The following SLC6A9 variants were observed in gnomAD, a reference collection of about 807,000 sequenced individuals.
SLC6A9 encodes sodium- and chloride-dependent glycine transporter 1.
Under a neutral mutation model 70.9 loss-of-function variants are expected in SLC6A9, and 31 were observed. The observed-to-expected ratio is 0.44, with a 90% confidence interval of 0.33 to 0.59. The LOEUF (loss-of-function observed/expected upper bound fraction) is 0.59, where lower values mean the gene tolerates loss of function less well. SLC6A9 is among the 20% of genes least tolerant of loss of function. The pLI, the probability that SLC6A9 is intolerant of heterozygous loss-of-function variation, is 0.04. For missense variants in SLC6A9, 631 were observed against 845.2 expected (o/e 0.75, Z 3.14); for synonymous variants, 310 against 341.3 (o/e 0.91, Z 1.01).
chr1:44,006,586 CAAAAAA>C (rs34759206), intron 5 of SLC6A9, among the ~76,000 whole-genome samples: 6 of 67,610 alleles, frequency 8.9e-5, no homozygotes, highest in South Asian at 8.3e-4. Context: ...GATTCTGTCT[CAAAAAA>C]AAAAAAAAAA....
intron 5 of SLC6A9, among the ~76,000 whole-genome samples, chr1:44,008,018 C>A (rs914201963): frequency 6.6e-6 from 1 of 152,154 alleles, no homozygotes; most frequent in Non-Finnish European, 1.5e-5. Context: ...TGCCACCACG[C>A]CCGGCTAATT....
At chr1:44,020,992 C>A (rs1024832190) in intron 2 of SLC6A9, among the ~76,000 whole-genome samples, 2 of 152,250 alleles carry the variant, frequency 1.3e-5, no homozygotes, top group African/African-American at 4.8e-5. Flanking sequence ...AAGGCCTGAA[C>A]TGCCCAAGAC....
At chr1:44,003,011 A>G in intron 5 of SLC6A9, 26 bp from the exon 6 acceptor site, 2 of 1,613,006 alleles carry the variant, frequency 1.2e-6, no homozygotes, top group Non-Finnish European at 1.7e-6. Context: ...TCTGTCACTG[A>G]GGGCCAGCCG....
intron 5 of SLC6A9, among the ~76,000 whole-genome samples, chr1:44,005,586 C>T (rs889228228): frequency 6.6e-6 from 1 of 152,158 alleles, no homozygotes; most frequent in Non-Finnish European, 1.5e-5. Context: ...TAATTCACCC[C>T]GGCACACCCA....
intron 1 of SLC6A9, among the ~76,000 whole-genome samples, chr1:44,026,782 G>T (rs2086990633): frequency 6.6e-6 from 1 of 152,184 alleles, no homozygotes; most frequent in South Asian, 2.1e-4. Flanking sequence ...CCTCACCCAG[G>T]TTATCCTGGA....
rs2085934171 is a variant in SLC6A9 at position 43,997,923 on chromosome 1, A to G, written c.1639T>C (p.Ser547Pro). ...GCGTAGAGGGGGATGCAGAGGACGGAGGACAGAGCCATGAGGAAGCCAATG... is the reference window on the plus strand; with the variant it reads ...GCGTAGAGGGGGATGCAGAGGACGGGGGACAGAGCCATGAGGAAGCCAATG... Reference protein sequence around the residue: ...VAIGFLMALSSVLCIPLYAMF... With the variant: ...VAIGFLMALSPVLCIPLYAMF... The change falls in exon 13 of 14, where the codon TCC (serine) becomes CCC (proline). Residue 547 changes from serine (S) to proline (P), a missense_variant. Coordinates refer to ENST00000372310, the MANE Select transcript of SLC6A9 (RefSeq NM_001024845.3). This position sits in a 1 kb window ranked among gnomAD's most constrained non-coding sequence, Gnocchi z 4.4. The G allele has an allele frequency of 6.2e-7, 1 of 1,614,034 alleles. No individual in the cohort carries two copies. Among genetic ancestry groups the G allele is most frequent in the Admixed American group, 1.7e-5 (1 of 59,992 alleles).
intron 1 of SLC6A9, chr1:44,030,368 GC>G (rs1230931773): frequency 2.6e-5 from 4 of 151,572 alleles, no homozygotes; most frequent in South Asian, 2.0e-4. Context: ...CCACGGCCCC[GC>G]CCCCGGGCCG....
chr1:43,997,996 G>A lies in SLC6A9; in HGVS notation c.1566C>T (p.Tyr522=). ...FFILVFTVIQ[Y]QPITYNHYQY... is the part of the protein sequence containing the mutation. ...GGTAGTGGTTGTAGGTGATCGGCTG[G>A]TACTGGATCACAGTGAAAACTAGAA... The change falls in exon 13 of 14, where the codon TAC becomes TAT. Residue 522 remains tyrosine (Y), a synonymous_variant. Coordinates refer to ENST00000372310, the MANE Select transcript of SLC6A9 (RefSeq NM_001024845.3). This position sits in a 1 kb window ranked among gnomAD's most constrained non-coding sequence, Gnocchi z 4.4. 6.2e-7 allele frequency: 1 copy of A among 1,613,904 alleles called. No individual in the cohort carries two copies. The highest frequency in any genetic ancestry group is 8.5e-7 in the Non-Finnish European group (1 of 1,179,832).
In SLC6A9 at chr1:44,024,235, C is replaced by A. The variant is rs1026516802; in HGVS notation, c.30+13G>T. On this transcript the variant is annotated intron_variant, in intron 2 of 13. Coordinates refer to ENST00000372310, the MANE Select transcript of SLC6A9 (RefSeq NM_001024845.3). ...ACTCCCGTTCCTTCCCGCAGTCTGG[C>A]CTCTGTACTCACCAGCATCCCTTTG... 6 of 1,613,908 alleles carry A rather than the reference C, an allele frequency of 3.7e-6. No homozygotes were observed. The African/African-American group carries it at 6.7e-5, about 18-fold the overall frequency.
Position 44,001,447 on chromosome 1 carries a change from G to T in SLC6A9, c.1143C>A (p.Ser381=), listed in dbSNP as rs201010276. 1.7e-5 allele frequency: 27 copies of T among 1,614,166 alleles called. No individual in the cohort carries two copies. The East Asian group carries it at 6.0e-4, about 36-fold the overall frequency. The change falls in exon 9 of 14, where the codon TCC becomes TCA. Residue 381 remains serine, a synonymous_variant. Coordinates refer to ENST00000372310, the MANE Select transcript of SLC6A9 (RefSeq NM_001024845.3). ...AGAAGAAGAGCAGAGACCACAGCGG[G>T]GAGATGGGAAGTAGTGTGAGGGCCT... is the stretch of plus-strand genomic sequence containing the variant. ...YPEALTLLPI[S]PLWSLLFFFM...
chr1:44,021,367 G>T (rs911539171), intron 2 of SLC6A9, among the ~76,000 whole-genome samples: 1 of 152,226 alleles, frequency 6.6e-6, no homozygotes, highest in African/African-American at 2.4e-5. Context: ...CTGGGCTGGA[G>T]TGAGGGAGGG....
chr1:44,030,088 A>G (rs1426125357), intron 1 of SLC6A9, among the ~76,000 whole-genome samples: 2 of 151,952 alleles, frequency 1.3e-5, no homozygotes, highest in Admixed American at 6.5e-5. Flanking sequence ...AGCAGGCCCG[A>G]AAGGGGGTGC....
intron 5 of SLC6A9, among the ~76,000 whole-genome samples, chr1:44,005,198 G>T (rs1265203649): frequency 6.6e-6 from 1 of 152,190 alleles, no homozygotes; most frequent in South Asian, 2.1e-4. Context: ...CTGGGGGACA[G>T]GAGCTGGGCC....
chr1:44,022,622 A>G (rs1259552885), intron 2 of SLC6A9, among the ~76,000 whole-genome samples: 1 of 151,996 alleles, frequency 6.6e-6, no homozygotes, highest in Non-Finnish European at 1.5e-5. Flanking sequence ...CTGGAGGTTC[A>G]GAACAGGGCC....
intron 12 of SLC6A9, 78 bp from the exon 13 acceptor site, chr1:43,998,103 T>C (rs1426073650): frequency 7.4e-7 from 1 of 1,356,504 alleles, no homozygotes; most frequent in African/African-American, 1.5e-5. Flanking sequence ...ACCAGCACCC[T>C]TTCCTCTCTG....
At position 44,001,046 on chromosome 1, in the gene SLC6A9, A is replaced by G. The variant is rs1487734096; in HGVS notation, c.1345T>C (p.Tyr449His). The G allele has an allele frequency of 1.3e-6, 2 of 1,586,846 alleles. No homozygotes were observed. The highest frequency in any genetic ancestry group is 2.7e-5 in the African/African-American group (2 of 74,480). Residue 449 changes from tyrosine (Y) to histidine (H), a missense_variant, in exon 11 of 14, where the codon TAT becomes CAT. Transcript: ENST00000372310. ...TAGTTGTCCATCAGCAGCAGCCAAT[A>G]GATGCCTGCCTGGGGAACAGCGGGC... The part of the protein sequence containing the change: ...GIPLTSQAGI[Y>H]WLLLMDNYAA...
intron 2 of SLC6A9, chr1:44,017,392 C>T (rs2086789419): frequency 1.7e-6 from 2 of 1,207,356 alleles, no homozygotes; most frequent in South Asian, 1.8e-5. Flanking sequence ...CACACACACA[C>T]ACACACACAC....
Position 43,996,626 on chromosome 1 carries a change from G to C in SLC6A9, c.*919C>G, listed in dbSNP as rs201565880. ...CGGGGCTGTCACTGCACAGAGGACG[G>C]ACAAATGAACACTTCAGGGATTCAG... On this transcript the variant is annotated 3_prime_UTR_variant, in exon 14 of 14. Coordinates refer to ENST00000372310, the MANE Select transcript of SLC6A9 (RefSeq NM_001024845.3). 5 of 162,274 alleles carry C rather than the reference G, an allele frequency of 3.1e-5. No individual in the cohort carries two copies. In the East Asian group the frequency reaches 9.3e-4, roughly 30 times the overall value. 10.1% of individuals were successfully genotyped at this position (162,274 alleles called of 1,614,324 possible).
rs1170176994 is a variant in SLC6A9, at chr1:44,013,211, C to T, written c.31-2329G>A. Among the ~76,000 whole-genome samples the T allele has an allele frequency of 6.6e-6, 1 of 152,160 alleles. No individual in the cohort carries two copies. Among genetic ancestry groups the T allele is most frequent in the African/African-American group, 2.4e-5 (1 of 41,436 alleles). ...AAGGCCCTTTGCAGAGATCCAGGTT[C>T]CCAAGGCTTGAAGATCAAGGCCTGT... On this transcript the variant is annotated intron_variant, in intron 2 of 13. Coordinates refer to ENST00000372310, the MANE Select transcript of SLC6A9 (RefSeq NM_001024845.3). This position sits in a 1 kb window ranked among gnomAD's most constrained non-coding sequence, Gnocchi z 5.3.
Sources: gnomAD v4.1 joint callset for allele counts (sites outside exome capture counted in the v4.1 genomes callset) on GRCh38, gnomAD v4.1.1 for gene constraint, Gnocchi (gnomAD v3.1) non-coding constraint, MANE v1.5 for transcripts, NCBI Gene and HGNC (gene_info 2026-07-23, HGNC 2026-07-21) for gene names.